KIAA1328: variants seen among roughly 807,000 people sequenced by gnomAD.
KIAA1328 encodes the protein protein hinderin.
Under a neutral mutation model 68.1 loss-of-function variants are expected in KIAA1328, and 52 were observed. The ratio of observed to expected loss-of-function variants is 0.76; its 90% CI spans 0.61 to 0.96. The LOEUF (loss-of-function observed/expected upper bound fraction) is 0.96, where lower values mean the gene tolerates loss of function less well. Ranked by LOEUF, KIAA1328 falls within the 40% of genes least tolerant of loss-of-function variation. The pLI, the probability that KIAA1328 is intolerant of heterozygous loss-of-function variation, is 0.00. For synonymous variants in KIAA1328, 232 were observed against 239.4 expected, an observed-to-expected ratio of 0.97 and a Z score of 0.28; for missense variants, 641 against 677.6, an observed-to-expected ratio of 0.95 and a Z score of 0.60.
intron 6 of KIAA1328, among the ~76,000 whole-genome samples, chr18:36,971,380 G>A (rs9945251): frequency 0.6 from 90,573 of 152,006 alleles, 28,841 homozygotes; most frequent in East Asian, 0.87. Flanking sequence ...TCACGACATA[G>A]GCACTTTGGG....
intron 6 of KIAA1328, among the ~76,000 whole-genome samples, chr18:37,049,708 C>CT (rs1440872940): frequency 6.6e-6 from 1 of 152,118 alleles, no homozygotes; most frequent in Admixed American, 6.6e-5. Flanking sequence ...AACATACAGG[C>CT]TTAAGAAAGA....
Position 37,219,518 on chromosome 18 carries a change from T to G in KIAA1328, c.1524-2499T>G, listed in dbSNP as rs148110620. On this transcript the variant is annotated intron_variant, in intron 9 of 9. Coordinates refer to ENST00000280020, the MANE Select transcript of KIAA1328 (RefSeq NM_020776.3). ...CCTCCTGGCTGCTTTGTTTACCTACTGAAGCCTCAGCAATGGCAGATGCCC... is the reference window on the plus strand; with the variant it reads ...CCTCCTGGCTGCTTTGTTTACCTACGGAAGCCTCAGCAATGGCAGATGCCC... Among the ~76,000 whole-genome samples, 384 of 152,256 alleles carry G rather than the reference T, an allele frequency of 2.5e-3. 2 individuals carry two copies. Among genetic ancestry groups the G allele is most frequent in the African/African-American group, 8.9e-3 (369 of 41,542 alleles).
rs116924875 is a variant in KIAA1328, at chr18:37,007,912, A to G, written c.576+48477A>G. Among the ~76,000 whole-genome samples, 14 of 152,332 alleles carry G rather than the reference A, an allele frequency of 9.2e-5. No homozygotes were observed. In the East Asian group the frequency reaches 2.7e-3, roughly 29 times the overall value. On this transcript the variant is annotated intron_variant, in intron 6 of 9. Coordinates refer to ENST00000280020, the MANE Select transcript of KIAA1328 (RefSeq NM_020776.3). Reference sequence around the variant, plus strand: ...ACTTAAAGGGGCAACCTGTATGGAAATGAGTTTCCTAGTTTGGAAAGTTTT... The same window carrying G: ...ACTTAAAGGGGCAACCTGTATGGAAGTGAGTTTCCTAGTTTGGAAAGTTTT...
chr18:37,019,030 T>A (rs1405769514), intron 6 of KIAA1328, among the ~76,000 whole-genome samples: 1 of 152,234 alleles, frequency 6.6e-6, no homozygotes, highest in Non-Finnish European at 1.5e-5. Flanking sequence ...CATGCTCTGA[T>A]TCCTTCTCAT....
At chr18:37,138,402 T>C (rs1004768811) in intron 7 of KIAA1328, among the ~76,000 whole-genome samples, 4 of 152,168 alleles carry the variant, frequency 2.6e-5, no homozygotes, top group Admixed American at 6.5e-5. Context: ...GGGGTGAGAC[T>C]CTTCTCTTTC....
At chr18:36,970,805 A>G (rs1466821449) in intron 6 of KIAA1328, among the ~76,000 whole-genome samples, 1 of 152,232 alleles carries the variant, frequency 6.6e-6, no homozygotes, top group Non-Finnish European at 1.5e-5. Flanking sequence ...AAGAGAGGAC[A>G]CAAAGAAATG....
At chr18:37,092,354 A>G (rs2057291151) in intron 7 of KIAA1328, among the ~76,000 whole-genome samples, 1 of 151,908 alleles carries the variant, frequency 6.6e-6, no homozygotes, top group Non-Finnish European at 1.5e-5. Flanking sequence ...CTAGCATACC[A>G]TTTGTCAGCC....
At chr18:37,139,417 T>C (rs2058719673) in intron 7 of KIAA1328, among the ~76,000 whole-genome samples, 1 of 152,212 alleles carries the variant, frequency 6.6e-6, no homozygotes, top group Non-Finnish European at 1.5e-5. Context: ...TTGTATTCAT[T>C]GGCAGCCAAG....
rs147466932 is a variant in KIAA1328 at position 36,933,825 on chromosome 18, G to A, written c.449-25483G>A. On this transcript the variant is annotated intron_variant, in intron 5 of 9. Coordinates refer to ENST00000280020, the MANE Select transcript of KIAA1328 (RefSeq NM_020776.3). ...GCCTTGAGAGGGCTGTCAGTCAGGA[G>A]AGCCTACAGAACAGATGAACCCCAA... Among the ~76,000 whole-genome samples the A allele has an allele frequency of 4.7e-3, 715 of 152,362 alleles. 6 individuals carry two copies. Among genetic ancestry groups the A allele is most frequent in the Non-Finnish European group, 8.2e-3 (558 of 68,038 alleles).
At chr18:37,029,453 A>C (rs540674218) in intron 6 of KIAA1328, among the ~76,000 whole-genome samples, 3 of 152,226 alleles carry the variant, frequency 2.0e-5, no homozygotes, top group African/African-American at 7.2e-5. Flanking sequence ...AGTTCACTGC[A>C]ACTTCCACCT....
Position 37,117,939 on chromosome 18 carries a change from T to C in KIAA1328, c.1233-42261T>C, listed in dbSNP as rs926825084. 3.3e-5 allele frequency among the ~76,000 whole-genome samples: 5 copies of C among 150,978 alleles called. No individual in the cohort carries two copies. In the East Asian group the frequency reaches 5.8e-4, roughly 18 times the overall value. On this transcript the variant is annotated intron_variant, in intron 7 of 9. Transcript: ENST00000280020. ...ATAACAAAGAATAAAGAATTACTTA[T>C]AGCTCTTATAGTCCCCATCTCTGCA...
At chr18:36,847,951 A>G (rs1015923095) in intron 4 of KIAA1328, among the ~76,000 whole-genome samples, 20 of 151,894 alleles carry the variant, frequency 1.3e-4, no homozygotes, top group Admixed American at 8.5e-4. Context: ...GTATATGTCT[A>G]TCCTTATGCC....
intron 7 of KIAA1328, among the ~76,000 whole-genome samples, chr18:37,151,776 T>C (rs1222034641): frequency 2.0e-5 from 3 of 152,018 alleles, no homozygotes; most frequent in African/African-American, 7.2e-5. Flanking sequence ...CAAAAAATAA[T>C]TTGATCTTGA....
At chr18:37,091,527 C>G (rs944094919) in intron 7 of KIAA1328, among the ~76,000 whole-genome samples, 1 of 152,158 alleles carries the variant, frequency 6.6e-6, no homozygotes, top group Admixed American at 6.5e-5. Flanking sequence ...GTATAGGCAG[C>G]TACTTGGAGC....
chr18:36,855,168 A>T (rs2047342349), intron 4 of KIAA1328, among the ~76,000 whole-genome samples: 1 of 152,158 alleles, frequency 6.6e-6, no homozygotes, highest in Non-Finnish European at 1.5e-5. Context: ...TTGGGTATAC[A>T]ACTAGGAATG....
At chr18:36,914,230 CT>C (rs1360358544) in intron 5 of KIAA1328, among the ~76,000 whole-genome samples, 1 of 152,146 alleles carries the variant, frequency 6.6e-6, no homozygotes, top group Non-Finnish European at 1.5e-5. Context: ...AAATCTATCT[CT>C]TTTTTGTGTG....
intron 9 of KIAA1328, 75 bp downstream of exon 9, chr18:37,173,156 A>G: frequency 9.0e-7 from 1 of 1,106,590 alleles, no homozygotes; most frequent in Non-Finnish European, 1.3e-6. Flanking sequence ...TTAATAAGGA[A>G]GGGAAAAATC....
At chr18:37,043,610 T>C (rs1459836139) in intron 6 of KIAA1328, among the ~76,000 whole-genome samples, 1 of 152,226 alleles carries the variant, frequency 6.6e-6, no homozygotes, top group African/African-American at 2.4e-5. Context: ...ACAACTCAAG[T>C]CATTCTGGCT....
intron 7 of KIAA1328, among the ~76,000 whole-genome samples, chr18:37,155,591 C>T (rs1479460647): frequency 6.6e-6 from 1 of 152,222 alleles, no homozygotes; most frequent in East Asian, 1.9e-4. Flanking sequence ...CCTTCCAACT[C>T]ATCCAGTTTC....
Sources: gnomAD v4.1 joint callset for allele counts (sites outside exome capture counted in the v4.1 genomes callset) on GRCh38, gnomAD v4.1.1 for gene constraint, MANE v1.5 for transcripts, NCBI Gene and HGNC (gene_info 2026-07-23, HGNC 2026-07-21) for gene names.